DDX60: variants seen among roughly 807,000 people sequenced by gnomAD.
The protein encoded by DDX60 is DExD/H-box helicase 60, also known as probable ATP-dependent RNA helicase DDX60.
Under a neutral mutation model 212.8 loss-of-function variants are expected in DDX60, and 165 were observed. The observed-to-expected ratio is 0.78, with a 90% confidence interval of 0.68 to 0.88. DDX60 has a LOEUF of 0.88. Among genes scored for constraint, DDX60 ranks in the 40% least tolerant of loss-of-function variants. The pLI, the probability that DDX60 is intolerant of heterozygous loss-of-function variation, is 0.00. For missense variants in DDX60, 1,905 were observed against 2,003.9 expected (o/e 0.95, Z 0.94); for synonymous variants, 703 against 685.3 (o/e 1.03, Z -0.40).
At chr4:168,310,171 T>C (rs1737067191) in intron 3 of DDX60, among the ~76,000 whole-genome samples, 2 of 152,186 alleles carry the variant, frequency 1.3e-5, no homozygotes, top group South Asian at 2.1e-4. Flanking sequence ...TAGAACTCCA[T>C]GAGTTCAACA....
At chr4:168,315,301 TA>T (rs1185935587) in intron 1 of DDX60, among the ~76,000 whole-genome samples, 1 of 152,214 alleles carries the variant, frequency 6.6e-6, no homozygotes, top group Non-Finnish European at 1.5e-5. Context: ...TTCAGATTTC[TA>T]AAGGGAAAAT....
intron 19 of DDX60, among the ~76,000 whole-genome samples, chr4:168,269,406 G>T (rs1210403505): frequency 3.3e-5 from 5 of 152,062 alleles, no homozygotes; most frequent in African/African-American, 1.2e-4. Context: ...AGGCCATCCT[G>T]GCTAACACAG....
intron 22 of DDX60, chr4:168,265,446 A>G (rs576530331): frequency 6.6e-6 from 1 of 152,310 alleles, no homozygotes; most frequent in South Asian, 2.1e-4. Context: ...TGCAGCTGTC[A>G]AAACGGACTT....
chr4:168,243,584 A>G (rs1733923285), intron 30 of DDX60, among the ~76,000 whole-genome samples: 2 of 152,230 alleles, frequency 1.3e-5, no homozygotes, highest in Admixed American at 6.5e-5. Context: ...AATGGCAATT[A>G]TTAAAAAGTC....
intron 14 of DDX60, among the ~76,000 whole-genome samples, chr4:168,279,980 G>A (rs768041477): frequency 4.6e-5 from 7 of 152,144 alleles, no homozygotes; most frequent in Admixed American, 4.6e-4. Flanking sequence ...GTGGCTGGGC[G>A]CAATGGCTCA....
rs1297343319 is a variant in DDX60 at position 168,299,147 on chromosome 4, G to A, written c.723+3153C>T. 6.6e-5 allele frequency among the ~76,000 whole-genome samples: 7 copies of A among 106,526 alleles called. 1 individual carries two copies. Among genetic ancestry groups the A allele is most frequent in the African/African-American group, 2.5e-4 (6 of 23,786 alleles). 69.9% of individuals were successfully genotyped at this position (106,526 alleles called of 152,430 possible). Reference sequence around the variant, plus strand: ...CTGCACTCTGGCCTGGCGACAGAGCGAGACTGTCTCAAAAAAAAAAAAAAA... The same window carrying A: ...CTGCACTCTGGCCTGGCGACAGAGCAAGACTGTCTCAAAAAAAAAAAAAAA... On this transcript the variant is annotated intron_variant, in intron 6 of 37. Coordinates refer to ENST00000393743, the MANE Select transcript of DDX60 (RefSeq NM_017631.6).
At chr4:168,273,824 A>T in intron 17 of DDX60, 110 bp downstream of exon 17, 5 of 1,298,632 alleles carry the variant, frequency 3.9e-6, no homozygotes, top group Non-Finnish European at 4.2e-6. Flanking sequence ...GAAACAAGAA[A>T]ATGCAGGTTA....
rs977278096 is a variant in DDX60, at chr4:168,306,279, C to T, written c.606+100G>A. On this transcript the variant is annotated intron_variant, in intron 5 of 37. Transcript: ENST00000393743. Reference sequence around the variant, plus strand: ...TAATTGTTATACCTATCTGTTAAGCCTCTGATAATTTCCTAGAGGAGGAGG... The same window carrying T: ...TAATTGTTATACCTATCTGTTAAGCTTCTGATAATTTCCTAGAGGAGGAGG... 6.1e-4 allele frequency: 438 copies of T among 722,168 alleles called. 1 individual carries two copies. The highest frequency in any genetic ancestry group is 1.4e-4 in the Non-Finnish European group (61 of 441,284). 44.7% of individuals were successfully genotyped at this position (722,168 alleles called of 1,614,324 possible).
In DDX60 at chr4:168,262,024, C is replaced by A; in HGVS notation, c.3249G>T (p.Trp1083Cys). Reference sequence around the variant, plus strand: ...CCTGCTCTACGTTGCCATTTTTAATCCAACTTGTTAATTCTGCCTTTAGAC... The same window carrying A: ...CCTGCTCTACGTTGCCATTTTTAATACAACTTGTTAATTCTGCCTTTAGAC... ...EESLKAELTS[W>C]IKNGNVEQAR... Residue 1083 changes from tryptophan (W) to cysteine (C), a missense_variant, in exon 24 of 38, where the codon TGG becomes TGT. Trp to Cys is a radical substitution (Grantham distance 215). Coordinates refer to ENST00000393743, the MANE Select transcript of DDX60 (RefSeq NM_017631.6). 1 of 1,594,380 alleles carries A rather than the reference C, an allele frequency of 6.3e-7. No individual in the cohort carries two copies. Among genetic ancestry groups the A allele is most frequent in the South Asian group, 1.2e-5 (1 of 85,832 alleles).
chr4:168,299,333 T>A (rs1736550114), intron 6 of DDX60, among the ~76,000 whole-genome samples: 1 of 151,670 alleles, frequency 6.6e-6, no homozygotes, highest in African/African-American at 2.4e-5. Flanking sequence ...AAGCAGTGAT[T>A]CAGAGGAAAG....
At chr4:168,319,776 T>C (rs1281773101), upstream of DDX60, among the ~76,000 whole-genome samples, 1 of 152,098 alleles carries the variant, frequency 6.6e-6, no homozygotes, top group Non-Finnish European at 1.5e-5. Context: ...GTAATCAGCA[T>C]GATAAGAAGC....
intron 18 of DDX60, among the ~76,000 whole-genome samples, chr4:168,272,477 G>A (rs1370806470): frequency 6.6e-6 from 1 of 152,204 alleles, no homozygotes; most frequent in Non-Finnish European, 1.5e-5. Flanking sequence ...ATTGAAAGAT[G>A]TTTATTAAGA....
intron 14 of DDX60, among the ~76,000 whole-genome samples, chr4:168,278,434 C>G (rs1025075056): frequency 1.3e-5 from 2 of 152,174 alleles, no homozygotes; most frequent in Non-Finnish European, 1.5e-5. Flanking sequence ...AAGACTTCAA[C>G]AAGGCATCCT....
intron 19 of DDX60, among the ~76,000 whole-genome samples, chr4:168,270,184 A>T (rs1735028837): frequency 6.6e-6 from 1 of 152,242 alleles, no homozygotes; most frequent in African/African-American, 2.4e-5. Flanking sequence ...AAAGCCTAGC[A>T]CTGAGGAGGC....
rs188188749 is a variant in DDX60, at chr4:168,222,680, G to A, written c.4825-799C>T. On this transcript the variant is annotated intron_variant, in intron 35 of 37. Coordinates refer to ENST00000393743, the MANE Select transcript of DDX60 (RefSeq NM_017631.6). ...GTTCACTCCTGCTGAGACTTGTTTG[G>A]CACAGCTACTTTTTAAATGAGTTGG... 1.8e-4 allele frequency among the ~76,000 whole-genome samples: 28 copies of A among 152,138 alleles called. No homozygotes were observed. The East Asian group carries it at 4.8e-3, about 26-fold the overall frequency.
chr4:168,225,716 C>A, intron 33 of DDX60, 40 bp from the exon 34 acceptor site: 2 of 1,580,502 alleles, frequency 1.3e-6, no homozygotes, highest in South Asian at 2.3e-5. Context: ...GATCTATTTA[C>A]CTTCCTTCAA....
intron 18 of DDX60, among the ~76,000 whole-genome samples, chr4:168,272,474 G>T (rs996894371): frequency 6.6e-6 from 1 of 152,322 alleles, no homozygotes; most frequent in Admixed American, 6.5e-5. Flanking sequence ...TAGATTGAAA[G>T]ATGTTTATTA....
intron 14 of DDX60, among the ~76,000 whole-genome samples, chr4:168,278,648 G>A (rs1735454925): frequency 6.6e-6 from 1 of 152,176 alleles, no homozygotes; most frequent in Non-Finnish European, 1.5e-5. Flanking sequence ...TGCCAACATG[G>A]TGAAATCCCA....
chr4:168,318,255 G>A (rs1030335719), intron 1 of DDX60, among the ~76,000 whole-genome samples: 2 of 152,176 alleles, frequency 1.3e-5, no homozygotes, highest in Non-Finnish European at 2.9e-5. Context: ...TCTTGCTGCT[G>A]TCAATGTACA....
Sources: gnomAD v4.1 joint callset for allele counts (sites outside exome capture counted in the v4.1 genomes callset) on GRCh38, gnomAD v4.1.1 for gene constraint, MANE v1.5 for transcripts, NCBI Gene and HGNC (gene_info 2026-07-23, HGNC 2026-07-21) for gene names.